The following MCFD2 variants were observed in gnomAD, a reference collection of about 807,000 sequenced individuals.
MCFD2 encodes multiple coagulation factor deficiency protein 2.
In MCFD2, 11 loss-of-function variants were observed where a neutral mutation model predicts 12.8. The ratio of observed to expected loss-of-function variants is 0.86; its 90% confidence interval spans 0.54 to 1.42. The LOEUF is 1.42. Among genes scored for constraint, MCFD2 ranks in the 40% most tolerant of loss-of-function variants. The probability of loss-of-function intolerance (pLI) is 0.00; values close to 1 mark genes in which losing one functional copy is unlikely to be tolerated. For synonymous variants in MCFD2, 70 were observed against 68.1 expected, an observed-to-expected ratio of 1.03 and a Z score of -0.14; for missense variants, 191 against 178.6, an observed-to-expected ratio of 1.07 and a Z score of -0.40.
chr2:46,941,620 G>T lies in MCFD2; in HGVS notation c.-56C>A. The stretch of plus-strand genomic sequence containing the variant: ...GCGCTGCCGCGCCGAGGGCCACTGG[G>T]ACCGCATGCCGGAGCTGGTCCGGCA... On this transcript the variant is annotated 5_prime_UTR_variant, in exon 1 of 3. Coordinates refer to the MCFD2 transcript ENST00000409147. The surrounding 1 kb of genome is among the most constrained non-coding windows in gnomAD (Gnocchi z 4.2). 6.4e-7 allele frequency: 1 copy of T among 1,556,072 alleles called. No individual in the cohort carries two copies. The highest frequency in any genetic ancestry group is 2.4e-5 in the East Asian group (1 of 41,478).
rs1392087938 is a variant in MCFD2 at position 46,909,086 on chromosome 2, G to C, written c.86C>G (p.Pro29Arg). Residue 29 changes from proline (P) to arginine (R), a missense_variant, in exon 2 of 4, where the codon CCT (proline) becomes CGT (arginine). By Grantham distance (103) the Pro-to-Arg change is moderately radical. Coordinates refer to ENST00000319466, the MANE Select transcript of MCFD2 (RefSeq NM_139279.6). ...GCCGGGTTGGGAGAAGCTGGCTGCA[G>C]GCTCCTCAGCCCTGGCGCCTGGGGC... ...FCAPGARAEE[P>R]AASFSQPGSM... 6.2e-7 allele frequency: 1 copy of C among 1,614,222 alleles called. No individual in the cohort carries two copies. Among genetic ancestry groups the C allele is most frequent in the East Asian group, 2.2e-5 (1 of 44,888 alleles).
At position 46,940,951 on chromosome 2, in the gene MCFD2, G is replaced by A. The variant is rs1273383154; in HGVS notation, c.-8+621C>T. On this transcript the variant is annotated intron_variant, in intron 1 of 2. Transcript: ENST00000409147. This position sits in a 1 kb window ranked among gnomAD's most constrained non-coding sequence, Gnocchi z 4.7. ...CGGGCAGTGGTCTCCCAGGCTAAGA[G>A]CCCCGATGGGATGGGGAGGGGGCGG... Among the ~76,000 whole-genome samples the A allele has an allele frequency of 1.3e-5, 2 of 152,126 alleles. No individual in the cohort carries two copies. The highest frequency in any genetic ancestry group is 2.9e-5 in the Non-Finnish European group (2 of 68,010).
chr2:46,923,819 G>A (rs967831584), intron 1 of MCFD2, among the ~76,000 whole-genome samples: 1 of 151,822 alleles, frequency 6.6e-6, no homozygotes, highest in African/African-American at 2.4e-5. Context: ...TGCAACCTCT[G>A]CCTCCCAGGT....
chr2:46,909,754 G>A (rs1477290109), intron 1 of MCFD2, among the ~76,000 whole-genome samples: 1 of 152,148 alleles, frequency 6.6e-6, no homozygotes, highest in Non-Finnish European at 1.5e-5. Context: ...CAGCCTAGAG[G>A]GTAGGAAGCA....
chr2:46,915,391 G>C (rs1310427130), intron 1 of MCFD2, among the ~76,000 whole-genome samples: 1 of 152,096 alleles, frequency 6.6e-6, no homozygotes, highest in Non-Finnish European at 1.5e-5. Context: ...GGGAGAGTAA[G>C]GCTTCCGGCC....
chr2:46,917,846 G>A (rs538125581), upstream of MCFD2, among the ~76,000 whole-genome samples: 301 of 152,210 alleles, frequency 2.0e-3, 3 homozygotes, highest in South Asian at 0.019. Flanking sequence ...TTCTTCTCTT[G>A]TTTTCTGACA....
intron 1 of MCFD2, among the ~76,000 whole-genome samples, chr2:46,938,479 T>C (rs1160798472): frequency 1.3e-5 from 2 of 152,200 alleles, no homozygotes; most frequent in African/African-American, 4.8e-5. Context: ...TGTGACACTA[T>C]ACTTTAATAA....
intron 1 of MCFD2, among the ~76,000 whole-genome samples, chr2:46,938,008 C>G (rs1670065765): frequency 6.6e-6 from 1 of 152,030 alleles, no homozygotes; most frequent in Non-Finnish European, 1.5e-5. Context: ...TGGAGTAGAT[C>G]TTGAAGCAGA....
In MCFD2 at chr2:46,941,753, G is replaced by C. The variant is rs6755386; in HGVS notation, c.-189C>G. On this transcript the variant is annotated 5_prime_UTR_variant, in exon 1 of 3. Coordinates refer to the MCFD2 transcript ENST00000409147. The surrounding 1 kb of genome is among the most constrained non-coding windows in gnomAD (Gnocchi z 4.2). Reference sequence around the variant, plus strand: ...GAGTAAGGGAAGAGGCTGGCTCGCCGGCAGCGAGCGCGCGAAACGCACCGC... The same window carrying C: ...GAGTAAGGGAAGAGGCTGGCTCGCCCGCAGCGAGCGCGCGAAACGCACCGC... 77,392 of 1,546,984 alleles carry C rather than the reference G, an allele frequency of 0.05. 2,195 individuals carry two copies. The highest frequency in any genetic ancestry group is 0.093 in the African/African-American group (6,779 of 73,020).
At chr2:46,905,692 T>C in intron 3 of MCFD2, 98 bp from the exon 4 acceptor site, 1 of 835,044 alleles carries the variant, frequency 1.2e-6, no homozygotes, top group South Asian at 1.7e-5. Context: ...TGGCACTGTT[T>C]ATTAAAAAAA....
chr2:46,932,811 G>A lies in MCFD2; in HGVS notation c.-8+8761C>T, dbSNP rs530734490. Among the ~76,000 whole-genome samples the A allele has an allele frequency of 3.0e-4, 45 of 151,134 alleles. No homozygotes were observed. The East Asian group carries it at 8.8e-3, about 30-fold the overall frequency. ...AGCTACTCAAGCAGCTGAGGCAGGAGGATCGCTTGAACCCAGGAGGCAGAG... is the reference window on the plus strand; with the variant it reads ...AGCTACTCAAGCAGCTGAGGCAGGAAGATCGCTTGAACCCAGGAGGCAGAG... On this transcript the variant is annotated intron_variant, in intron 1 of 2. Coordinates refer to the MCFD2 transcript ENST00000409147.
intron 3 of MCFD2, 101 bp from the exon 4 acceptor site, chr2:46,905,695 TAAAAAAA>T (rs59068176): frequency 7.3e-5 from 37 of 508,996 alleles, no homozygotes; most frequent in Admixed American, 1.1e-4. Context: ...CACTGTTTAT[TAAAAAAA>T]AAAAAAAAAA....
At position 46,902,964 on chromosome 2, in the gene MCFD2, G is replaced by A. The variant is rs1028285754; in HGVS notation, c.*2499C>T. 2.0e-5 allele frequency: 3 copies of A among 152,200 alleles called. No individual in the cohort carries two copies. Among genetic ancestry groups the A allele is most frequent in the African/African-American group, 7.2e-5 (3 of 41,446 alleles). The allele number at this position is 152,200 out of a possible 1,614,324, so 9.4% of individuals were successfully genotyped here. ...TATTCTACTACAGTCAAGTTCCTGA[G>A]TACTCAGCTCCAATTATCTAATATT... On this transcript the variant is annotated 3_prime_UTR_variant, in exon 4 of 4. Transcript: ENST00000319466.
chr2:46,941,766 C>G lies in MCFD2; in HGVS notation c.-202G>C. On this transcript the variant is annotated 5_prime_UTR_variant, in exon 1 of 3. Transcript: ENST00000409147. The surrounding 1 kb of genome is among the most constrained non-coding windows in gnomAD (Gnocchi z 4.2). ...GGCTGGCTCGCCGGCAGCGAGCGCG[C>G]GAAACGCACCGCCTCCTCCAGGAAG... The G allele has an allele frequency of 1.3e-6, 2 of 1,545,988 alleles. No homozygotes were observed. Among genetic ancestry groups the G allele is most frequent in the Non-Finnish European group, 1.7e-6 (2 of 1,145,118 alleles).
chr2:46,941,689 G>C lies in MCFD2; in HGVS notation c.-125C>G, dbSNP rs1288910906. 26 of 1,551,210 alleles carry C rather than the reference G, an allele frequency of 1.7e-5. No homozygotes were observed. The highest frequency in any genetic ancestry group is 1.9e-5 in the Non-Finnish European group (22 of 1,147,690). On this transcript the variant is annotated 5_prime_UTR_variant, in exon 1 of 3. Coordinates refer to the MCFD2 transcript ENST00000409147. The surrounding 1 kb of genome is among the most constrained non-coding windows in gnomAD (Gnocchi z 4.2). ...GCCCGGCGGCGGAGGTAACAGGCGA[G>C]GCAGCCCGAGCGCAGCGTTCACCTT...
chr2:46,917,644 G>A (rs148921156), upstream of MCFD2, among the ~76,000 whole-genome samples: 2 of 152,090 alleles, frequency 1.3e-5, no homozygotes, highest in African/African-American at 4.8e-5. Context: ...TGTCTCTCTT[G>A]AATCTACAGT....
intron 1 of MCFD2, among the ~76,000 whole-genome samples, chr2:46,924,303 A>G (rs1669275033): frequency 6.6e-6 from 1 of 151,254 alleles, no homozygotes; most frequent in Non-Finnish European, 1.5e-5. Flanking sequence ...AAGCCTTGGT[A>G]TCAGCTCATC....
chr2:46,906,100 C>A, intron 3 of MCFD2: 1 of 440,540 alleles, frequency 2.3e-6, no homozygotes. Context: ...ATTTCCCATG[C>A]TCCAAGAGCA....
chr2:46,909,826 G>C (rs1668410843), intron 1 of MCFD2, among the ~76,000 whole-genome samples: 1 of 152,176 alleles, frequency 6.6e-6, no homozygotes, highest in Admixed American at 6.5e-5. Context: ...TTGCACACTA[G>C]GCCAGGGCTT....
Sources: gnomAD v4.1 joint callset for allele counts (sites outside exome capture counted in the v4.1 genomes callset) on GRCh38, gnomAD v4.1.1 for gene constraint, Gnocchi (gnomAD v3.1) non-coding constraint, MANE v1.5 for transcripts, NCBI Gene and HGNC (gene_info 2026-07-23, HGNC 2026-07-21) for gene names.